Variants in BRCA1 observed in about 807,000 individuals in gnomAD.
The protein encoded by BRCA1 is breast cancer type 1 susceptibility protein.
A neutral mutation model predicts 173.7 loss-of-function variants in BRCA1; 140 were observed. The observed-to-expected ratio is 0.81, with a 90% CI of 0.70 to 0.93. The LOEUF (loss-of-function observed/expected upper bound fraction) is 0.93. Ranked by LOEUF, BRCA1 falls within the 40% of genes least tolerant of loss-of-function variation. The probability of loss-of-function intolerance (pLI) is 0.00; values close to 1 mark genes in which losing one functional copy is unlikely to be tolerated. For missense variants in BRCA1, 1,983 were observed against 2,172.5 expected (o/e 0.91, Z 1.73); for synonymous variants, 662 against 756.0 (o/e 0.88, Z 2.04).
intron 1 of BRCA1, among the ~76,000 whole-genome samples, chr17:43,149,245 C>T (rs2056144145): frequency 6.6e-6 from 1 of 151,346 alleles, no homozygotes; most frequent in Non-Finnish European, 1.5e-5. Flanking sequence ...ATTACAGGTG[C>T]CCGCCACCAC....
Position 43,091,740 on chromosome 17 carries a change from T to G in BRCA1, c.3791A>C (p.Lys1264Thr). The G allele has an allele frequency of 1.9e-6, 3 of 1,614,244 alleles. No individual in the cohort carries two copies. Among genetic ancestry groups the G allele is most frequent in the Non-Finnish European group, 2.5e-6 (3 of 1,180,044 alleles). The change falls in exon 10 of 23, where the codon AAG becomes ACG. Residue 1264 changes from lysine (K) to threonine (T), a missense_variant. Lys to Thr is a moderately conservative substitution (Grantham distance 78). Transcript: ENST00000357654. ...GTTACTGCAGTCATTTAAGCTATTC[T>G]TCAATGATAATAAATTCTCCTCTGT... Reference protein sequence around the residue: ...KNTEENLLSLKNSLNDCSNQV... With the variant: ...KNTEENLLSLTNSLNDCSNQV...
chr17:43,049,820 T>G (rs8176302), intron 20 of BRCA1, among the ~76,000 whole-genome samples: 33 of 152,308 alleles, frequency 2.2e-4, no homozygotes, highest in Non-Finnish European at 4.4e-4. Context: ...CTGTTGGCTG[T>G]GTTCTTCAAG....
intron 3 of BRCA1, among the ~76,000 whole-genome samples, chr17:43,114,074 C>CAA (rs541592598): frequency 1.5e-4 from 20 of 135,420 alleles, no homozygotes; most frequent in African/African-American, 4.7e-4. Flanking sequence ...AACACCATCT[C>CAA]AAAAAAAAAA....
At chr17:43,138,539 T>C in intron 1 of BRCA1, 1 of 667,986 alleles carries the variant, frequency 1.5e-6, no homozygotes. Flanking sequence ...CTACCAAAAG[T>C]GGGTAGGGTG....
At chr17:43,147,104 A>G (rs2056127552) in intron 1 of BRCA1, among the ~76,000 whole-genome samples, 1 of 152,092 alleles carries the variant, frequency 6.6e-6, no homozygotes, top group African/African-American at 2.4e-5. Context: ...TCCTGGGTTC[A>G]AGCAATTCTG....
intron 11 of BRCA1, 107 bp downstream of exon 11, chr17:43,090,837 A>G (rs900038597): frequency 1.9e-6 from 2 of 1,061,874 alleles, no homozygotes; most frequent in African/African-American, 3.1e-5. Context: ...CAATTGTGCC[A>G]TTAATTCAAA....
chr17:43,089,006 C>T (rs2053339186), intron 11 of BRCA1, among the ~76,000 whole-genome samples: 1 of 152,070 alleles, frequency 6.6e-6, no homozygotes, highest in South Asian at 2.1e-4. Flanking sequence ...AATTTTGGTG[C>T]CACTTCTACA....
In BRCA1 at chr17:43,095,844, A is replaced by G; in HGVS notation, c.670+2T>C. 3 of 1,612,334 alleles carry G rather than the reference A, an allele frequency of 1.9e-6. No individual in the cohort carries two copies. Among genetic ancestry groups the G allele is most frequent in the South Asian group, 2.2e-5 (2 of 90,912 alleles). ...TGTTAAGTTGGCAAACTTTGCCATT[A>G]CCCTTTTTTGCAGAATCCAAACTGA... On this transcript the variant is annotated splice_donor_variant, in intron 9 of 22. Transcript: ENST00000357654. LOFTEE classifies it high-confidence loss of function.
At chr17:43,108,743 G>A (rs918692059) in intron 3 of BRCA1, among the ~76,000 whole-genome samples, 6 of 147,500 alleles carry the variant, frequency 4.1e-5, no homozygotes, top group Middle Eastern at 3.5e-3. Context: ...GGCCAGGAGC[G>A]GTGGCTCACG....
At position 43,095,937 on chromosome 17, in the gene BRCA1, C is replaced by T. The variant is rs80358102; in HGVS notation, c.594-15G>A. On this transcript the variant is annotated splice_polypyrimidine_tract_variant and intron_variant, in intron 8 of 22. Coordinates refer to ENST00000357654, the MANE Select transcript of BRCA1 (RefSeq NM_007294.4). Reference sequence around the variant, plus strand: ...GATCTCCCACACTATAGGGAAAAGACAGAGTCCTAATAAGAAACACTAGTT... The same window carrying T: ...GATCTCCCACACTATAGGGAAAAGATAGAGTCCTAATAAGAAACACTAGTT... The T allele has an allele frequency of 6.3e-7, 1 of 1,597,082 alleles. No individual in the cohort carries two copies. Among genetic ancestry groups the T allele is most frequent in the Non-Finnish European group, 8.6e-7 (1 of 1,165,288 alleles).
chr17:43,140,469 G>T (rs903900793), intron 1 of BRCA1: 16 of 330,168 alleles, frequency 4.8e-5, no homozygotes, highest in Non-Finnish European at 6.9e-5. Flanking sequence ...ACGTGAGGGC[G>T]GTCCTGTGTG....
At chr17:43,146,279 G>A (rs2056120574) in intron 1 of BRCA1, among the ~76,000 whole-genome samples, 2 of 147,858 alleles carry the variant, frequency 1.4e-5, no homozygotes, top group Admixed American at 6.7e-5. Context: ...TACAGTACGT[G>A]GCTTTTTAGA....
chr17:43,079,199 C>T (rs939206432), intron 12 of BRCA1: 43 of 748,214 alleles, frequency 5.7e-5, no homozygotes, highest in Non-Finnish European at 9.0e-5. Context: ...CAAAACAAAA[C>T]AAAAAAAATG....
chr17:43,168,781 T>C (rs543405094), intron 1 of BRCA1, among the ~76,000 whole-genome samples: 5 of 152,360 alleles, frequency 3.3e-5, no homozygotes, highest in African/African-American at 9.6e-5. Context: ...CTTCCAACCC[T>C]TTGGGTCTTT....
At chr17:43,155,847 T>C (rs1452857383) in intron 1 of BRCA1, among the ~76,000 whole-genome samples, 1 of 152,082 alleles carries the variant, frequency 6.6e-6, no homozygotes, top group Non-Finnish European at 1.5e-5. Flanking sequence ...TTGAAATGGA[T>C]TTTTTGGGTA....
chr17:43,051,178 A>G, intron 19 of BRCA1, 61 bp from the exon 20 acceptor site: 1 of 1,472,304 alleles, frequency 6.8e-7, no homozygotes, highest in South Asian at 1.1e-5. Context: ...TCTAGTTATA[A>G]AAGAATATTG....
intron 1 of BRCA1, among the ~76,000 whole-genome samples, chr17:43,149,788 GT>G (rs925908236): frequency 1.3e-5 from 2 of 151,972 alleles, no homozygotes; most frequent in Non-Finnish European, 2.9e-5. Context: ...ACTACCCTCA[GT>G]TTCTTTTTTT....
rs80357451 is a variant in BRCA1 at position 43,047,681 on chromosome 17, A to G, written c.5429T>C (p.Val1810Ala). ...LGTGVHPIVV[V>A]QPDAWTEDNG... ...GTCCTCTGTCCAGGCATCTGGCTGCACAACCACAATTGGGTGGACACCCTG... is the reference window on the plus strand; with the variant it reads ...GTCCTCTGTCCAGGCATCTGGCTGCGCAACCACAATTGGGTGGACACCCTG... The change falls in exon 22 of 23, where the codon GTG becomes GCG. Residue 1810 changes from valine to alanine, a missense_variant. Physicochemically the swap from Val to Ala is moderately conservative, Grantham distance 64 (BLOSUM62 0). Coordinates refer to ENST00000357654, the MANE Select transcript of BRCA1 (RefSeq NM_007294.4). The G allele has an allele frequency of 5.0e-6, 8 of 1,614,134 alleles. No individual in the cohort carries two copies. The African/African-American group carries it at 9.3e-5, about 19-fold the overall frequency.
Position 43,093,707 on chromosome 17 carries a change from C to A in BRCA1, c.1824G>T (p.Lys608Asn), listed in dbSNP as rs2053878737. ...LNIHNSKAPKKNRLRRKSSTR... is the reference protein window; with the variant it reads ...LNIHNSKAPKNNRLRRKSSTR... The stretch of plus-strand genomic sequence containing the variant: ...TAGAAGACTTCCTCCTCAGCCTATT[C>A]TTTTTAGGTGCTTTTGAATTGTGGA... The change falls in exon 10 of 23, where the codon AAG becomes AAT. Residue 608 changes from lysine (K) to asparagine (N), a missense_variant. By Grantham distance (94) the Lys-to-Asn change is moderately conservative. Transcript: ENST00000357654. 1 of 1,613,912 alleles carries A rather than the reference C, an allele frequency of 6.2e-7. No homozygotes were observed. Among genetic ancestry groups the A allele is most frequent in the Non-Finnish European group, 8.5e-7 (1 of 1,179,982 alleles).
Sources: gnomAD v4.1 joint callset for allele counts (sites outside exome capture counted in the v4.1 genomes callset) on GRCh38, gnomAD v4.1.1 for gene constraint, MANE v1.5 for transcripts, NCBI Gene and HGNC (gene_info 2026-07-23, HGNC 2026-07-21) for gene names.